THSD7A: variants seen among roughly 807,000 people sequenced by gnomAD.
THSD7A encodes thrombospondin type 1 domain containing 7A.
In THSD7A, 96 loss-of-function variants were observed where a neutral mutation model predicts 231.3. That is an observed-to-expected ratio of 0.41 (90% CI 0.35 to 0.49). The LOEUF is 0.49. Among genes scored for constraint, THSD7A ranks in the 20% least tolerant of loss-of-function variants. The pLI is 0.05. For synonymous variants in THSD7A, 940 were observed against 743.3 expected, an observed-to-expected ratio of 1.26 and a Z score of -4.30; for missense variants, 2,290 against 2,070.2, an observed-to-expected ratio of 1.11 and a Z score of -2.06.
chr7:11,720,877 C>A (rs958664260), intron 1 of THSD7A, among the ~76,000 whole-genome samples: 2 of 151,714 alleles, frequency 1.3e-5, no homozygotes, highest in Admixed American at 1.3e-4. Context: ...CTCCTTCTCT[C>A]TGCCCTTTGC....
intron 7 of THSD7A, among the ~76,000 whole-genome samples, chr7:11,475,609 A>G (rs1786134621): frequency 6.8e-6 from 1 of 147,664 alleles, no homozygotes; most frequent in Non-Finnish European, 1.5e-5. Context: ...TATATATAAC[A>G]TATATAACAT....
intron 1 of THSD7A, among the ~76,000 whole-genome samples, chr7:11,773,027 T>C (rs553376405): frequency 3.4e-4 from 51 of 152,188 alleles, no homozygotes; most frequent in African/African-American, 1.2e-3. Flanking sequence ...TCAACAATAA[T>C]ATTAATGAAA....
At chr7:11,578,656 G>A (rs1791024283) in intron 4 of THSD7A, among the ~76,000 whole-genome samples, 1 of 152,168 alleles carries the variant, frequency 6.6e-6, no homozygotes, top group Non-Finnish European at 1.5e-5. Context: ...GGCTATACAG[G>A]CTTTGGATAA....
intron 13 of THSD7A, among the ~76,000 whole-genome samples, chr7:11,436,829 A>AAATT (rs1784649153): frequency 6.6e-6 from 1 of 152,022 alleles, no homozygotes; most frequent in South Asian, 2.1e-4. Flanking sequence ...AACTAGCAAT[A>AAATT]AATTAATTTC....
At chr7:11,460,552 A>C in intron 11 of THSD7A, 110 bp downstream of exon 11, 1 of 738,110 alleles carries the variant, frequency 1.4e-6, no homozygotes, top group Non-Finnish European at 2.1e-6. Flanking sequence ...TAGCAGATTT[A>C]TATCTGCTTT....
intron 3 of THSD7A, among the ~76,000 whole-genome samples, chr7:11,591,849 T>C (rs934692306): frequency 6.6e-6 from 1 of 152,138 alleles, no homozygotes; most frequent in African/African-American, 2.4e-5. Flanking sequence ...TTGTTCTAAA[T>C]AAATTGAAGT....
intron 23 of THSD7A, among the ~76,000 whole-genome samples, chr7:11,391,090 G>C (rs184146519): frequency 2.6e-5 from 4 of 152,360 alleles, no homozygotes; most frequent in South Asian, 2.1e-4. Context: ...CACTTGAGGA[G>C]TCAGTCTGTT....
At chr7:11,417,414 T>A in intron 17 of THSD7A, 36 bp downstream of exon 17, 1 of 1,512,974 alleles carries the variant, frequency 6.6e-7, no homozygotes. Flanking sequence ...AATAATTAAA[T>A]AAACTCTACA....
intron 1 of THSD7A, among the ~76,000 whole-genome samples, chr7:11,801,553 C>T (rs145923756): frequency 2.3e-4 from 35 of 152,106 alleles, no homozygotes; most frequent in African/African-American, 8.2e-4. Flanking sequence ...CTCAAAATAT[C>T]GTGGATTCTA....
intron 4 of THSD7A, among the ~76,000 whole-genome samples, chr7:11,576,709 A>G (rs1237125532): frequency 2.0e-5 from 3 of 152,242 alleles, no homozygotes; most frequent in South Asian, 2.1e-4. Flanking sequence ...ACTGTGAACA[A>G]GACTCCATAT....
At chr7:11,440,581 T>A (rs570814914) in intron 13 of THSD7A, among the ~76,000 whole-genome samples, 1 of 152,016 alleles carries the variant, frequency 6.6e-6, no homozygotes, top group African/African-American at 2.4e-5. Flanking sequence ...TTGGTTCTCA[T>A]GGATGACTTT....
intron 4 of THSD7A, among the ~76,000 whole-genome samples, chr7:11,560,630 G>C (rs1183390351): frequency 6.6e-6 from 1 of 151,880 alleles, no homozygotes; most frequent in African/African-American, 2.4e-5. Context: ...CTCCCTTATA[G>C]CATGCAACCC....
At chr7:11,761,902 C>T (rs1011500919) in intron 1 of THSD7A, among the ~76,000 whole-genome samples, 1 of 151,950 alleles carries the variant, frequency 6.6e-6, no homozygotes, top group Non-Finnish European at 1.5e-5. Flanking sequence ...ACTTGCCTGC[C>T]TCCCTCCTTC....
At chr7:11,762,763 A>C (rs906205516) in intron 1 of THSD7A, among the ~76,000 whole-genome samples, 1 of 151,998 alleles carries the variant, frequency 6.6e-6, no homozygotes, top group African/African-American at 2.4e-5. Context: ...TGAAGGTGAA[A>C]GATCTCTACA....
chr7:11,782,496 T>C (rs1375215759), intron 1 of THSD7A, among the ~76,000 whole-genome samples: 1 of 152,150 alleles, frequency 6.6e-6, no homozygotes, highest in Non-Finnish European at 1.5e-5. Flanking sequence ...GCAAATTATT[T>C]AGGAAGGAAG....
At chr7:11,784,621 G>A (rs1281095663) in intron 1 of THSD7A, among the ~76,000 whole-genome samples, 1 of 151,658 alleles carries the variant, frequency 6.6e-6, no homozygotes, top group Non-Finnish European at 1.5e-5. Context: ...CCTTTCAAAT[G>A]TACTTGGTCT....
intron 1 of THSD7A, among the ~76,000 whole-genome samples, chr7:11,698,972 A>ATTTTTTTTTTTTTTTTT (rs58228910): frequency 7.0e-6 from 1 of 142,726 alleles, no homozygotes; most frequent in African/African-American, 2.6e-5. Flanking sequence ...AATGTCACTG[A>ATTTTTTTTTTTTTTTTT]TTTTTTTTTT....
intron 2 of THSD7A, among the ~76,000 whole-genome samples, chr7:11,604,989 G>A (rs1562763546): frequency 6.6e-6 from 1 of 151,912 alleles, no homozygotes; most frequent in Non-Finnish European, 1.5e-5. Flanking sequence ...TACACACATG[G>A]CCTTAAAGTG....
intron 4 of THSD7A, among the ~76,000 whole-genome samples, chr7:11,558,425 T>C (rs2128328587): frequency 1.3e-5 from 2 of 152,252 alleles, no homozygotes; most frequent in Middle Eastern, 6.8e-3. Context: ...ATAAATCCGA[T>C]CTACTATAGT....
Sources: gnomAD v4.1 joint callset for allele counts (sites outside exome capture counted in the v4.1 genomes callset) on GRCh38, gnomAD v4.1.1 for gene constraint, MANE v1.5 for transcripts, NCBI Gene and HGNC (gene_info 2026-07-23, HGNC 2026-07-21) for gene names.